Variants in MAF observed in about 807,000 individuals in gnomAD.
The protein encoded by MAF is transcription factor Maf.
Under a neutral mutation model 22.0 loss-of-function variants are expected in MAF, and 10 were observed. The observed-to-expected ratio is 0.45, with a 90% CI of 0.28 to 0.77. The LOEUF (loss-of-function observed/expected upper bound fraction) is 0.77, where lower values mean the gene tolerates loss of function less well. MAF is among the 30% of genes least tolerant of loss of function. MAF has a pLI of 0.12. For synonymous variants in MAF, 337 were observed against 255.8 expected (o/e 1.32, Z -3.03); for missense variants, 544 against 548.4 (o/e 0.99, Z 0.08).
the MAF span, among the ~76,000 whole-genome samples, chr16:79,216,730 A>G: frequency 2.2e-4 from 34 of 152,196 alleles, no homozygotes; most frequent in African/African-American, 7.5e-4. Flanking sequence ...ACCCCATAGT[A>G]AGTTGAGGAG....
At chr16:79,484,456 G>A in the MAF span, among the ~76,000 whole-genome samples, 5 of 152,200 alleles carry the variant, frequency 3.3e-5, no homozygotes, top group Non-Finnish European at 5.9e-5. Context: ...CCACAGACAC[G>A]TCCACCGGGC....
the MAF span, among the ~76,000 whole-genome samples, chr16:79,402,304 G>A: frequency 6.6e-6 from 1 of 152,300 alleles, no homozygotes; most frequent in African/African-American, 2.4e-5. Context: ...TGTTACCCAG[G>A]GTTTAAACCC....
chr16:79,445,246 T>C, the MAF span, among the ~76,000 whole-genome samples: 13 of 151,890 alleles, frequency 8.6e-5, no homozygotes, highest in Non-Finnish European at 1.5e-4. Context: ...GGTTTCACCA[T>C]GTTAGCCAGG....
chr16:79,334,577 A>G, the MAF span, among the ~76,000 whole-genome samples: 770 of 152,274 alleles, frequency 5.1e-3, 11 homozygotes, highest in African/African-American at 0.018. Flanking sequence ...CCAATGCAAA[A>G]TGAAAACGAG....
At chr16:79,469,617 G>C in the MAF span, among the ~76,000 whole-genome samples, 2 of 151,822 alleles carry the variant, frequency 1.3e-5, no homozygotes, top group Non-Finnish European at 2.9e-5. Context: ...TTTTTTCTGA[G>C]ACAGAGTCTC....
At chr16:79,554,870 T>C in the MAF span, among the ~76,000 whole-genome samples, 2 of 152,194 alleles carry the variant, frequency 1.3e-5, no homozygotes, top group Admixed American at 6.5e-5. Context: ...ATTTTTCCTG[T>C]TTCTACCATC....
the MAF span, chr16:79,211,497 T>G: frequency 7.1e-7 from 1 of 1,406,248 alleles, no homozygotes; most frequent in African/African-American, 1.4e-5. Flanking sequence ...AAGATCCAGC[T>G]GAAACTGAAC....
chr16:79,289,867 T>TTTTTTTTTTTTTTC, the MAF span, among the ~76,000 whole-genome samples: 136 of 118,516 alleles, frequency 1.1e-3, 16 homozygotes, highest in Admixed American at 1.4e-3. Flanking sequence ...TTTTTTTTTT[T>TTTTTTTTTTTTTTC]TGTGAGACGG....
At chr16:79,483,386 AAGGAAAGGAAAGAAAACAG>A in the MAF span, among the ~76,000 whole-genome samples, 2 of 149,768 alleles carry the variant, frequency 1.3e-5, no homozygotes, top group African/African-American at 4.9e-5. Context: ...CAGGACAGCA[AAGGAAAGGAAAGAAAACAG>A]AGGAAGGAAG....
chr16:79,508,630 G>C, the MAF span, among the ~76,000 whole-genome samples: 87 of 152,262 alleles, frequency 5.7e-4, no homozygotes, highest in African/African-American at 2.0e-3. Context: ...TCCTACCAGA[G>C]CCCACTTTCC....
the MAF span, among the ~76,000 whole-genome samples, chr16:79,206,970 G>T: frequency 6.6e-6 from 1 of 152,168 alleles, no homozygotes; most frequent in Non-Finnish European, 1.5e-5. Context: ...ATGAGAGATT[G>T]AAGCTGTAAT....
chr16:79,581,756 C>T (rs943304906), downstream of MAF, among the ~76,000 whole-genome samples: 2 of 152,212 alleles, frequency 1.3e-5, no homozygotes, highest in African/African-American at 4.8e-5. Context: ...TCTTTTTGGA[C>T]TGTCAGGCTC....
At chr16:79,327,731 G>A in the MAF span, among the ~76,000 whole-genome samples, 1 of 152,194 alleles carries the variant, frequency 6.6e-6, no homozygotes, top group Non-Finnish European at 1.5e-5. Flanking sequence ...TGTGCCACAA[G>A]TGCTGACCGC....
the MAF span, among the ~76,000 whole-genome samples, chr16:79,307,378 C>T: frequency 6.6e-6 from 1 of 152,188 alleles, no homozygotes; most frequent in East Asian, 1.9e-4. Context: ...GAGGCACAGC[C>T]CGGGTCCCTG....
At chr16:79,375,139 A>G in the MAF span, among the ~76,000 whole-genome samples, 1 of 152,240 alleles carries the variant, frequency 6.6e-6, no homozygotes, top group Non-Finnish European at 1.5e-5. Context: ...TAAAGGAATC[A>G]TGGATCCAGT....
chr16:79,458,463 C>A, the MAF span, among the ~76,000 whole-genome samples: 45 of 152,214 alleles, frequency 3.0e-4, no homozygotes, highest in South Asian at 8.9e-3. Flanking sequence ...GATTATTTAA[C>A]AGCATAGGAA....
At chr16:79,359,635 A>G in the MAF span, among the ~76,000 whole-genome samples, 1 of 152,238 alleles carries the variant, frequency 6.6e-6, no homozygotes, top group Non-Finnish European at 1.5e-5. Context: ...ACGGAAATCA[A>G]TTAAGGTAAA....
chr16:79,321,328 C>T, the MAF span, among the ~76,000 whole-genome samples: 4 of 152,136 alleles, frequency 2.6e-5, no homozygotes, highest in Non-Finnish European at 5.9e-5. Context: ...GTAGGGGAAC[C>T]GCAAATACAA....
chr16:79,211,978 T>TA, the MAF span: 1 of 1,536,214 alleles, frequency 6.5e-7, no homozygotes. Flanking sequence ...ATTCCTGGGG[T>TA]AAAGTATCAC....
Sources: allele counts gnomAD v4.1 joint callset (sites outside exome capture counted in the v4.1 genomes callset), GRCh38; gene constraint gnomAD v4.1.1; transcripts MANE v1.5; gene names NCBI Gene and HGNC (gene_info 2026-07-23, HGNC 2026-07-21).